The following RALGAPA1 variants were observed in gnomAD, a reference collection of about 807,000 sequenced individuals.
RALGAPA1 encodes the protein ral GTPase-activating protein subunit alpha-1.
Under a neutral mutation model 269.6 loss-of-function variants are expected in RALGAPA1, and 52 were observed. The observed-to-expected ratio is 0.19, with a 90% CI of 0.15 to 0.24. The LOEUF (loss-of-function observed/expected upper bound fraction) is 0.24, where lower values mean the gene tolerates loss of function less well. Among genes scored for constraint, RALGAPA1 ranks in the 10% least tolerant of loss-of-function variants. The pLI, the probability that RALGAPA1 is intolerant of heterozygous loss-of-function variation, is 1.00. For missense variants in RALGAPA1, 1,917 were observed against 3,013.9 expected (o/e 0.64, Z 8.52); for synonymous variants, 817 against 1,008.3 (o/e 0.81, Z 3.60).
At chr14:35,705,496 T>G (rs936302191) in intron 16 of RALGAPA1, among the ~76,000 whole-genome samples, 1 of 152,184 alleles carries the variant, frequency 6.6e-6, no homozygotes, top group African/African-American at 2.4e-5. Flanking sequence ...TCATGTTTTT[T>G]TTTTCATGGT....
chr14:35,683,260 T>A (rs1285085930), intron 21 of RALGAPA1, among the ~76,000 whole-genome samples: 2 of 152,196 alleles, frequency 1.3e-5, no homozygotes, highest in African/African-American at 4.8e-5. Context: ...CTTATCACAT[T>A]ATGGTTGGGT....
intron 35 of RALGAPA1, among the ~76,000 whole-genome samples, chr14:35,619,806 T>G (rs1005025328): frequency 2.6e-5 from 4 of 152,090 alleles, no homozygotes; most frequent in Admixed American, 6.5e-5. Flanking sequence ...AGGAAGAAGT[T>G]GAATCTCCGA....
At chr14:35,712,679 A>T (rs192590120) in intron 16 of RALGAPA1, among the ~76,000 whole-genome samples, 66 of 152,146 alleles carry the variant, frequency 4.3e-4, no homozygotes, top group African/African-American at 1.4e-3. Flanking sequence ...GCACATTTTA[A>T]AAATTTTTGT....
At chr14:35,720,760 C>T (rs1035145472) in intron 16 of RALGAPA1, among the ~76,000 whole-genome samples, 1 of 152,130 alleles carries the variant, frequency 6.6e-6, no homozygotes, top group Non-Finnish European at 1.5e-5. Flanking sequence ...GACCCTGTCT[C>T]TATGAAAAAT....
chr14:35,635,470 A>G lies in RALGAPA1; in HGVS notation c.5805T>C (p.Ile1935=). ...DKTEKSVLNC[I]YKVLHGCVYG... ...ATAAAGCAAGGAAGTTTACCTTATA[A>G]ATGCAATTGAGAACAGATTTTTCTG... The change falls in exon 32 of 42, where the codon ATT becomes ATC. Residue 1935 remains isoleucine (I), a synonymous_variant. Transcript: ENST00000680220. 1 of 1,591,044 alleles carries G rather than the reference A, an allele frequency of 6.3e-7. No individual in the cohort carries two copies. Among genetic ancestry groups the G allele is most frequent in the Non-Finnish European group, 8.5e-7 (1 of 1,171,750 alleles).
chr14:35,733,309 C>T (rs2070680408), intron 12 of RALGAPA1, among the ~76,000 whole-genome samples: 1 of 152,054 alleles, frequency 6.6e-6, no homozygotes, highest in Non-Finnish European at 1.5e-5. Flanking sequence ...GAAACCCCGT[C>T]TCTACTAAAA....
At chr14:35,794,300 C>A (rs1027552399) in intron 1 of RALGAPA1, among the ~76,000 whole-genome samples, 2 of 151,882 alleles carry the variant, frequency 1.3e-5, no homozygotes, top group African/African-American at 2.4e-5. Flanking sequence ...CATAGGGAAA[C>A]CCCCATCTCT....
intron 27 of RALGAPA1, among the ~76,000 whole-genome samples, chr14:35,662,774 T>A (rs1302922678): frequency 6.6e-6 from 1 of 152,204 alleles, no homozygotes; most frequent in African/African-American, 2.4e-5. Context: ...TGTGCTGATG[T>A]ACCTTCAGAA....
chr14:35,720,382 TC>T (rs577397049), intron 16 of RALGAPA1, among the ~76,000 whole-genome samples: 218 of 152,338 alleles, frequency 1.4e-3, no homozygotes, highest in African/African-American at 5.0e-3. Flanking sequence ...AGTTGTTTCT[TC>T]CTTTCAAACC....
chr14:35,654,395 T>G lies in RALGAPA1; in HGVS notation c.5579A>C (p.Gln1860Pro), dbSNP rs774286069. The change falls in exon 30 of 42, where the codon CAG becomes CCG. Residue 1860 changes from glutamine to proline, a missense_variant. By Grantham distance (76) the Gln-to-Pro change is moderately conservative (BLOSUM62 -1). Around this residue, in one of 11 missense-constraint regions of RALGAPA1, gnomAD observed 346 missense variants for 566.1 expected, o/e 0.61. Coordinates refer to ENST00000680220, the MANE Select transcript of RALGAPA1 (RefSeq NM_001346249.2). ...AATAATTTTCAAGGGAGAATCAGGC[T>G]GGTAAATCTGAAGTCTAGGTACATA... The part of the protein sequence containing the change: ...VHYVPRLQIY[Q>P]PDSPLKIIQI... 38 of 1,600,390 alleles carry G rather than the reference T, an allele frequency of 2.4e-5. No homozygotes were observed. Among genetic ancestry groups the G allele is most frequent in the Non-Finnish European group, 2.7e-5 (32 of 1,176,282 alleles).
chr14:35,624,778 T>C lies in RALGAPA1; in HGVS notation c.6929+583A>G, dbSNP rs532908013. On this transcript the variant is annotated intron_variant, in intron 35 of 41. Coordinates refer to ENST00000680220, the MANE Select transcript of RALGAPA1 (RefSeq NM_001346249.2). ...TTGCTTCCCAATCTGTCAGAATCAC[T>C]GGATTTAATTAATGAGAGATGTGAC... is the stretch of plus-strand genomic sequence containing the variant. Among the ~76,000 whole-genome samples, 3 of 152,264 alleles carry C rather than the reference T, an allele frequency of 2.0e-5. No homozygotes were observed. In the South Asian group the frequency reaches 6.2e-4, roughly 32 times the overall value.
chr14:35,722,927 A>G, intron 15 of RALGAPA1, 100 bp downstream of exon 15: 2 of 611,562 alleles, frequency 3.3e-6, no homozygotes. Context: ...AATATTTAAG[A>G]TTCTACTTAT....
chr14:35,726,593 G>C (rs2069932797), intron 13 of RALGAPA1, among the ~76,000 whole-genome samples: 1 of 152,058 alleles, frequency 6.6e-6, no homozygotes, highest in African/African-American at 2.4e-5. Context: ...CTCAAGAACA[G>C]CCTGGGCAAC....
intron 36 of RALGAPA1, among the ~76,000 whole-genome samples, chr14:35,601,863 A>G (rs1321912419): frequency 6.6e-6 from 1 of 152,176 alleles, no homozygotes; most frequent in Non-Finnish European, 1.5e-5. Context: ...GTACAATTTA[A>G]TGGATTTCAG....
chr14:35,734,801 T>A (rs1442171790), intron 12 of RALGAPA1, among the ~76,000 whole-genome samples: 1 of 151,980 alleles, frequency 6.6e-6, no homozygotes, highest in Non-Finnish European at 1.5e-5. Context: ...AATCTAGACA[T>A]CTGACAAAGG....
At chr14:35,632,838 T>C (rs1294378998) in intron 33 of RALGAPA1, among the ~76,000 whole-genome samples, 2 of 152,174 alleles carry the variant, frequency 1.3e-5, no homozygotes, top group African/African-American at 2.4e-5. Context: ...TGATGAAACA[T>C]GCCTTAGACA....
At chr14:35,684,060 A>C in intron 20 of RALGAPA1, 75 bp from the exon 21 acceptor site, 1 of 1,184,868 alleles carries the variant, frequency 8.4e-7, no homozygotes, top group Non-Finnish European at 1.2e-6. Flanking sequence ...AAATCAGCAA[A>C]ATGATCAAAC....
intron 26 of RALGAPA1, among the ~76,000 whole-genome samples, chr14:35,665,110 T>C (rs1306254677): frequency 6.6e-6 from 1 of 152,200 alleles, no homozygotes; most frequent in Non-Finnish European, 1.5e-5. Context: ...TGACATATTG[T>C]TCTAATAAGC....
At chr14:35,655,731 G>C in intron 29 of RALGAPA1, 76 bp downstream of exon 29, 1 of 1,530,268 alleles carries the variant, frequency 6.5e-7, no homozygotes, top group Non-Finnish European at 8.8e-7. Context: ...TGTTACACAA[G>C]ATACCATTAA....
Sources: allele counts gnomAD v4.1 joint callset (sites outside exome capture counted in the v4.1 genomes callset), GRCh38; gene constraint gnomAD v4.1.1; regional missense constraint gnomAD v4.1.1; transcripts MANE v1.5; gene names NCBI Gene and HGNC (gene_info 2026-07-23, HGNC 2026-07-21).